Variants in XKR5 observed in about 807,000 individuals in gnomAD.
The protein encoded by XKR5 is XK-related protein 5.
A neutral mutation model predicts 40.8 loss-of-function variants in XKR5; 46 were observed. That is an observed-to-expected ratio of 1.13 (90% confidence interval 0.89 to 1.44). XKR5 has a LOEUF of 1.44. Among genes scored for constraint, XKR5 ranks in the 40% most tolerant of loss-of-function variants. The pLI is 0.00. For missense variants in XKR5, 1,169 were observed against 844.7 expected, an observed-to-expected ratio of 1.38 and a Z score of -4.76; for synonymous variants, 466 against 356.1, an observed-to-expected ratio of 1.31 and a Z score of -3.48.
chr8:6,817,455 C>A (rs1000809643), intron 5 of XKR5, among the ~76,000 whole-genome samples: 5 of 152,162 alleles, frequency 3.3e-5, no homozygotes, highest in African/African-American at 1.2e-4. Flanking sequence ...AGTCTTCAAC[C>A]CTGGCCAACG....
chr8:6,830,607 G>T (rs1804721825), intron 2 of XKR5, among the ~76,000 whole-genome samples: 2 of 151,990 alleles, frequency 1.3e-5, no homozygotes, highest in Non-Finnish European at 2.9e-5. Flanking sequence ...CTCGATACCT[G>T]GCCTTTCTCA....
chr8:6,814,827 G>A (rs1234033819), intron 6 of XKR5, among the ~76,000 whole-genome samples: 1 of 152,138 alleles, frequency 6.6e-6, no homozygotes, highest in Non-Finnish European at 1.5e-5. Context: ...ACATTTCTCT[G>A]ACCCGTGAAC....
At chr8:6,835,379 G>A (rs890282718) in intron 1 of XKR5, 57 bp downstream of exon 1, 18 of 1,358,154 alleles carry the variant, frequency 1.3e-5, no homozygotes, top group Non-Finnish European at 1.7e-5. Flanking sequence ...GGCTCCCGGC[G>A]CCGGGGTGGG....
In XKR5 at chr8:6,810,916, C is replaced by T. The variant is rs1587146505; in HGVS notation, c.*282G>A. ...CAAAAAGATAAAATAAGGGAACCTA[C>T]AGCTCATAAAAGGTAGCAGACAATT... On this transcript the variant is annotated 3_prime_UTR_variant, in exon 7 of 7. Coordinates refer to ENST00000618742, the MANE Select transcript of XKR5 (RefSeq NM_207411.5). The T allele has an allele frequency of 6.0e-5, 17 of 285,244 alleles. No homozygotes were observed. In the East Asian group the frequency reaches 1.1e-3, roughly 19 times the overall value. The allele number at this position is 285,244 out of a possible 1,614,324, so 17.7% of individuals were successfully genotyped here. A position where few individuals can be genotyped will look rare whatever the true frequency, so the allele number is the denominator to read the frequency against.
In XKR5 at chr8:6,811,899, C is replaced by T. The variant is rs1037265844; in HGVS notation, c.1360G>A (p.Glu454Lys). ...LQRKALSAQQ[E>K]LPSSSRDPST... ...GGGTCACGGGATGAGGATGGGAGCT[C>T]TTGCTGGGCAGACAAGGCCTTTCTC... The change falls in exon 7 of 7, where the codon GAG becomes AAG. Residue 454 changes from glutamate (E) to lysine (K), a missense_variant. Transcript: ENST00000618742. 3 of 1,537,324 alleles carry T rather than the reference C, an allele frequency of 2.0e-6. No homozygotes were observed. The African/African-American group carries it at 4.1e-5, about 21-fold the overall frequency.
At chr8:6,820,156 A>T (rs1220418523) in intron 5 of XKR5, among the ~76,000 whole-genome samples, 1 of 152,236 alleles carries the variant, frequency 6.6e-6, no homozygotes, top group African/African-American at 2.4e-5. Context: ...TCGGGCAGCA[A>T]GGCCTAAAGC....
At chr8:6,813,568 G>A (rs1803832158) in intron 6 of XKR5, among the ~76,000 whole-genome samples, 1 of 152,176 alleles carries the variant, frequency 6.6e-6, no homozygotes, top group Non-Finnish European at 1.5e-5. Context: ...GTGCTCCTTG[G>A]ACTACAATTT....
chr8:6,833,038 G>T (rs1479284180), intron 1 of XKR5, 138 bp from the exon 2 acceptor site: 1 of 791,192 alleles, frequency 1.3e-6, no homozygotes, highest in Non-Finnish European at 1.9e-6. Context: ...GGGAGTGACT[G>T]TCCCTCCCAA....
Position 6,808,748 on chromosome 8 carries a change from G to A in XKR5, c.*2450C>T, listed in dbSNP as rs539956873. On this transcript the variant is annotated 3_prime_UTR_variant, in exon 7 of 7. Transcript: ENST00000618742. ...CCTTAAATGAATGAATGAATGAAGA[G>A]TATTTCTAGCTTTCCAGGCTATTCA... 3 of 152,284 alleles carry A rather than the reference G, an allele frequency of 2.0e-5. No individual in the cohort carries two copies. The South Asian group carries it at 6.2e-4, about 32-fold the overall frequency. 9.4% of individuals were successfully genotyped at this position (152,284 alleles called of 1,614,324 possible).
intron 1 of XKR5, among the ~76,000 whole-genome samples, chr8:6,834,726 G>A (rs569080128): frequency 1.3e-5 from 2 of 152,144 alleles, no homozygotes; most frequent in African/African-American, 2.4e-5. Flanking sequence ...GAGCCCGGCG[G>A]AAGTGGGCGG....
chr8:6,827,509 C>T (rs917231253), intron 2 of XKR5, among the ~76,000 whole-genome samples: 2 of 152,170 alleles, frequency 1.3e-5, no homozygotes, highest in African/African-American at 4.8e-5. Context: ...GCTGAGATCC[C>T]AGGACAGATG....
chr8:6,818,634 A>T (rs1288353366), intron 5 of XKR5, among the ~76,000 whole-genome samples: 2 of 152,226 alleles, frequency 1.3e-5, no homozygotes, highest in Non-Finnish European at 2.9e-5. Flanking sequence ...GGCCAGTCAT[A>T]GTGTCACCTG....
At chr8:6,812,701 C>T (rs1329352067) in intron 6 of XKR5, among the ~76,000 whole-genome samples, 1 of 152,130 alleles carries the variant, frequency 6.6e-6, no homozygotes, top group African/African-American at 2.4e-5. Flanking sequence ...CAGAAATAAG[C>T]ATTCTACTTT....
At chr8:6,823,415 C>A (rs916956380) in intron 4 of XKR5, 106 bp downstream of exon 4, 12 of 1,210,620 alleles carry the variant, frequency 9.9e-6, no homozygotes, top group Non-Finnish European at 1.3e-5. Context: ...GCCCAGTCAG[C>A]CTTCAGGCCT....
At position 6,812,001 on chromosome 8, in the gene XKR5, T is replaced by C; in HGVS notation, c.1258A>G (p.Ile420Val). The change falls in exon 7 of 7, where the codon ATC becomes GTC. Residue 420 changes from isoleucine to valine, a missense_variant. Physicochemically the swap from Ile to Val is conservative, Grantham distance 29. Transcript: ENST00000618742. ...CTGTTATCTCCAAAGGCGGCATTGA[T>C]CTTAGACACATTTCCTGTTTTTAGG... ...LALKTGNVSKINAAFGDNSPA... is the reference protein window; with the variant it reads ...LALKTGNVSKVNAAFGDNSPA... 21 of 1,537,332 alleles carry C rather than the reference T, an allele frequency of 1.4e-5. No homozygotes were observed. The highest frequency in any genetic ancestry group is 1.8e-5 in the Non-Finnish European group (21 of 1,146,926).
Position 6,821,553 on chromosome 8 carries a change from G to A in XKR5, c.807+316C>T, listed in dbSNP as rs546109315. The stretch of plus-strand genomic sequence containing the variant: ...TGGAGTTGATTAACAGAGACATTGA[G>A]TATATGATATTATACAGTTGAACTG... On this transcript the variant is annotated intron_variant, in intron 5 of 6. Transcript: ENST00000618742. 2.6e-5 allele frequency among the ~76,000 whole-genome samples: 4 copies of A among 152,302 alleles called. No homozygotes were observed. The East Asian group carries it at 7.7e-4, about 29-fold the overall frequency.
rs746802836 is a variant in XKR5, at chr8:6,821,986, G to T, written c.690C>A (p.Ile230=). Reference sequence around the variant, plus strand: ...GCCTCCAGTGGCAGGTGCTGTCGATGATGTCACTCTGCTGGGCGACAAGCC... The same window carrying T: ...GCCTCCAGTGGCAGGTGCTGTCGATTATGTCACTCTGCTGGGCGACAAGCC... ...TFWLVAQQSD[I]IDSTCHWRLF... The change falls in exon 5 of 7, where the codon ATC becomes ATA. Residue 230 remains isoleucine (I), a synonymous_variant. Coordinates refer to ENST00000618742, the MANE Select transcript of XKR5 (RefSeq NM_207411.5). 12 of 1,607,152 alleles carry T rather than the reference G, an allele frequency of 7.5e-6. No individual in the cohort carries two copies. The highest frequency in any genetic ancestry group is 9.3e-6 in the Non-Finnish European group (11 of 1,177,022).
intron 2 of XKR5, among the ~76,000 whole-genome samples, chr8:6,830,399 C>T (rs573319703): frequency 6.6e-6 from 1 of 152,260 alleles, no homozygotes; most frequent in South Asian, 2.1e-4. Context: ...GGAATGGATC[C>T]ACTGCTGTCT....
At chr8:6,814,392 T>C (rs1047543508) in intron 6 of XKR5, among the ~76,000 whole-genome samples, 1 of 152,176 alleles carries the variant, frequency 6.6e-6, no homozygotes, top group Non-Finnish European at 1.5e-5. Context: ...GCACACACTG[T>C]GTGGTACTTT....
Sources: gnomAD v4.1 joint callset for allele counts (sites outside exome capture counted in the v4.1 genomes callset) on GRCh38, gnomAD v4.1.1 for gene constraint, MANE v1.5 for transcripts, NCBI Gene and HGNC (gene_info 2026-07-23, HGNC 2026-07-21) for gene names.